Variants in DLG2 observed in about 807,000 individuals in gnomAD.
DLG2 encodes the protein discs large MAGUK scaffold protein 2.
A neutral mutation model predicts 132.5 loss-of-function variants in DLG2; 45 were observed. The observed-to-expected ratio is 0.34, with a 90% CI of 0.27 to 0.44. DLG2 has a LOEUF of 0.44. Ranked by LOEUF, DLG2 falls within the 20% of genes least tolerant of loss-of-function variation. DLG2 has a pLI of 1.00. For missense variants in DLG2, 1,045 were observed against 1,196.9 expected, an observed-to-expected ratio of 0.87 and a Z score of 1.87; for synonymous variants, 424 against 419.6, an observed-to-expected ratio of 1.01 and a Z score of -0.13.
chr11:84,349,852 C>A (rs979604522), intron 7 of DLG2, among the ~76,000 whole-genome samples: 2 of 119,278 alleles, frequency 1.7e-5, no homozygotes, highest in African/African-American at 9.4e-5. Context: ...ATATATATAT[C>A]GCTAAGATGA....
intron 7 of DLG2, among the ~76,000 whole-genome samples, chr11:84,496,063 A>G (rs567903773): frequency 1.3e-4 from 20 of 152,236 alleles, no homozygotes; most frequent in Admixed American, 5.2e-4. Flanking sequence ...AGCTGGAGTG[A>G]GCTAAGCTGA....
At position 85,393,496 on chromosome 11, in the gene DLG2, T is replaced by C. The variant is rs144518853; in HGVS notation, c.41-108131A>G. 1.3e-3 allele frequency among the ~76,000 whole-genome samples: 194 copies of C among 152,226 alleles called. 1 individual carries two copies. The highest frequency in any genetic ancestry group is 4.2e-3 in the African/African-American group (175 of 41,526). On this transcript the variant is annotated intron_variant, in intron 3 of 27. Coordinates refer to ENST00000376104, the MANE Select transcript of DLG2 (RefSeq NM_001142699.3). ...CTACCCAGAGAAAAAGAAGTCATTA[T>C]ATGAAAAAGACACCTGCACACACAC...
At chr11:83,811,261 C>T (rs1312032242) in intron 17 of DLG2, among the ~76,000 whole-genome samples, 3 of 152,094 alleles carry the variant, frequency 2.0e-5, no homozygotes, top group East Asian at 1.9e-4. Flanking sequence ...TTTGTTTAAG[C>T]ACCCTTTTCA....
chr11:83,589,303 C>T (rs1364327707), intron 19 of DLG2, among the ~76,000 whole-genome samples: 1 of 147,050 alleles, frequency 6.8e-6, no homozygotes. Context: ...CGGCAGAAAC[C>T]CTACAAGCCA....
intron 6 of DLG2, among the ~76,000 whole-genome samples, chr11:84,973,732 C>T (rs1040300940): frequency 1.3e-5 from 2 of 152,114 alleles, no homozygotes; most frequent in Admixed American, 1.3e-4. Context: ...GCTTTGCAAG[C>T]TATATGGTCT....
At chr11:85,192,872 G>T (rs1158800654) in intron 4 of DLG2, among the ~76,000 whole-genome samples, 1 of 152,092 alleles carries the variant, frequency 6.6e-6, no homozygotes, top group Non-Finnish European at 1.5e-5. Context: ...GTGGCAGCAT[G>T]GAAAGCACAG....
chr11:83,721,218 G>C (rs2088461198), intron 18 of DLG2, among the ~76,000 whole-genome samples: 1 of 152,170 alleles, frequency 6.6e-6, no homozygotes, highest in Non-Finnish European at 1.5e-5. Context: ...AACCAGATCA[G>C]TGTGAACGTA....
intron 6 of DLG2, among the ~76,000 whole-genome samples, chr11:84,968,096 C>A (rs1214564807): frequency 6.6e-6 from 1 of 151,852 alleles, no homozygotes; most frequent in East Asian, 1.9e-4. Context: ...TTTATAATAA[C>A]CAAATGTAAA....
At chr11:84,682,435 CTCT>C (rs2153709516) in intron 6 of DLG2, among the ~76,000 whole-genome samples, 1 of 152,280 alleles carries the variant, frequency 6.6e-6, no homozygotes, top group East Asian at 1.9e-4. Flanking sequence ...TATTTTGGTT[CTCT>C]CTCAACACAG....
At chr11:83,648,474 G>T (rs1198537007) in intron 18 of DLG2, among the ~76,000 whole-genome samples, 3 of 152,046 alleles carry the variant, frequency 2.0e-5, no homozygotes, top group Non-Finnish European at 4.4e-5. Flanking sequence ...TCTTTTGATG[G>T]GATAACTTGA....
At chr11:85,362,535 G>T (rs1410691154) in intron 3 of DLG2, among the ~76,000 whole-genome samples, 1 of 151,684 alleles carries the variant, frequency 6.6e-6, no homozygotes, top group African/African-American at 2.4e-5. Context: ...GAGTTTCCTA[G>T]ATATAAGATC....
intron 21 of DLG2, chr11:83,486,190 ATTC>A (rs2093489728): frequency 4.4e-6 from 3 of 681,216 alleles, no homozygotes; most frequent in Middle Eastern, 2.4e-4. Flanking sequence ...AATACTAAAT[ATTC>A]TTGCATCACT....
At chr11:83,802,135 A>G (rs951155482) in intron 17 of DLG2, among the ~76,000 whole-genome samples, 2 of 151,658 alleles carry the variant, frequency 1.3e-5, no homozygotes, top group African/African-American at 2.4e-5. Flanking sequence ...GTGACATGAC[A>G]TGCACCATTA....
At chr11:83,770,265 G>GTTTTTTTTTTTTTTTTTTTTCTTTTTTTT (rs71066064) in intron 18 of DLG2, among the ~76,000 whole-genome samples, 1 of 128,772 alleles carries the variant, frequency 7.8e-6, no homozygotes, top group African/African-American at 3.3e-5. Context: ...GTTTTTTTTT[G>GTTTTTTTTTTTTTTTTTTTTCTTTTTTTT]TTTTTTTGCT....
intron 18 of DLG2, among the ~76,000 whole-genome samples, chr11:83,771,271 T>A (rs191053231): frequency 6.6e-6 from 1 of 152,354 alleles, no homozygotes; most frequent in East Asian, 1.9e-4. Context: ...AGTGGGGAAT[T>A]GTCTCTAAAA....
At chr11:85,087,142 T>G (rs1373913211) in intron 6 of DLG2, among the ~76,000 whole-genome samples, 2 of 152,208 alleles carry the variant, frequency 1.3e-5, no homozygotes, top group African/African-American at 2.4e-5. Context: ...ACTAGGTATA[T>G]AGTGAACAGA....
In DLG2 at chr11:84,600,085, T is replaced by TA. The variant is rs527687969; in HGVS notation, c.358-65355_358-65354insT. The stretch of plus-strand genomic sequence containing the variant: ...CAGCCTGGGCCACAGAGTGACACCT[T>TA]GAAAAAAAAAAAGTAAGAAGGAAGG... On this transcript the variant is annotated intron_variant, in intron 6 of 27. Coordinates refer to ENST00000376104, the MANE Select transcript of DLG2 (RefSeq NM_001142699.3). 2.4e-4 allele frequency among the ~76,000 whole-genome samples: 26 copies of TA among 106,956 alleles called. 2 individuals carry two copies. The South Asian group carries it at 7.8e-3, about 32-fold the overall frequency. The allele number at this position is 106,956 out of a possible 152,430, so 70.2% of individuals were successfully genotyped here. A position where few individuals can be genotyped will look rare whatever the true frequency, so the allele number is the denominator to read the frequency against.
At chr11:85,233,229 G>GC (rs1555000134) in intron 4 of DLG2, among the ~76,000 whole-genome samples, 2 of 151,304 alleles carry the variant, frequency 1.3e-5, no homozygotes, top group Non-Finnish European at 1.5e-5. Context: ...TCTGCGTATT[G>GC]TTTTTTTTCT....
At chr11:84,683,939 A>G (rs538824660) in intron 6 of DLG2, among the ~76,000 whole-genome samples, 1 of 152,326 alleles carries the variant, frequency 6.6e-6, no homozygotes, top group African/African-American at 2.4e-5. Flanking sequence ...CATCTATACC[A>G]ACAAAATCAG....
Sources: allele counts gnomAD v4.1 joint callset (sites outside exome capture counted in the v4.1 genomes callset), GRCh38; gene constraint gnomAD v4.1.1; transcripts MANE v1.5; gene names NCBI Gene and HGNC (gene_info 2026-07-23, HGNC 2026-07-21).